The following ACTL8 variants were observed in gnomAD, a reference collection of about 807,000 sequenced individuals.
The protein encoded by ACTL8 is actin-like protein 8.
Under a neutral mutation model 9.3 loss-of-function variants are expected in ACTL8, and 3 were observed. That is an observed-to-expected ratio of 0.32 (90% CI 0.15 to 0.83). The LOEUF (loss-of-function observed/expected upper bound fraction) is 0.83. Among genes scored for constraint, ACTL8 ranks in the 40% least tolerant of loss-of-function variants. ACTL8 has a pLI of 0.57. For synonymous variants in ACTL8, 224 were observed against 205.9 expected (o/e 1.09, Z -0.75); for missense variants, 381 against 492.2 (o/e 0.77, Z 2.14).
chr1:17,810,611 C>T (rs1225186491), intron 1 of ACTL8, among the ~76,000 whole-genome samples: 1 of 152,164 alleles, frequency 6.6e-6, no homozygotes, highest in Non-Finnish European at 1.5e-5. Flanking sequence ...CATGTAACCA[C>T]TCTGGCAATC....
chr1:17,777,681 C>T (rs1157424900), intron 1 of ACTL8, among the ~76,000 whole-genome samples: 1 of 152,174 alleles, frequency 6.6e-6, no homozygotes, highest in East Asian at 1.9e-4. Context: ...GGTATGTGTG[C>T]TAGAAAGTGC....
intron 1 of ACTL8, among the ~76,000 whole-genome samples, chr1:17,783,512 C>T (rs560191258): frequency 6.6e-6 from 1 of 152,284 alleles, no homozygotes; most frequent in South Asian, 2.1e-4. Context: ...ACATTGATTA[C>T]TTAATACTTG....
chr1:17,778,685 C>T (rs2066133015), intron 1 of ACTL8, among the ~76,000 whole-genome samples: 1 of 152,170 alleles, frequency 6.6e-6, no homozygotes, highest in African/African-American at 2.4e-5. Context: ...TATCTTTCTT[C>T]TCCGTACAAG....
chr1:17,755,556 G>C (rs201524918), intron 1 of ACTL8, 52 bp downstream of exon 1: 1 of 130,126 alleles, frequency 7.7e-6, no homozygotes, highest in Non-Finnish European at 1.6e-5. Flanking sequence ...GCCCCTGACT[G>C]TTTTTTTTTT....
rs556612540 is a variant in ACTL8 at position 17,797,781 on chromosome 1, C to T, written c.-24-25204C>T. ...GTGGGGAGATGAATCCCCAGCCTTC[C>T]AGGTGGCTGATAATTAAATTGTGGG... On this transcript the variant is annotated intron_variant, in intron 1 of 2. Transcript: ENST00000375406. Among the ~76,000 whole-genome samples the T allele has an allele frequency of 6.6e-5, 10 of 152,274 alleles. No individual in the cohort carries two copies. The South Asian group carries it at 1.5e-3, about 22-fold the overall frequency.
At chr1:17,788,243 G>C (rs533268551) in intron 1 of ACTL8, among the ~76,000 whole-genome samples, 1 of 152,294 alleles carries the variant, frequency 6.6e-6, no homozygotes, top group Admixed American at 6.5e-5. Context: ...TTGTTAGTCA[G>C]TTTAAAAAAA....
intron 1 of ACTL8, among the ~76,000 whole-genome samples, chr1:17,820,055 T>C (rs911021429): frequency 2.0e-5 from 3 of 151,990 alleles, no homozygotes; most frequent in East Asian, 1.9e-4. Flanking sequence ...AAAAATAATA[T>C]AGTTGCGGGA....
At chr1:17,761,074 C>G (rs1227162441) in intron 1 of ACTL8, among the ~76,000 whole-genome samples, 16 of 151,180 alleles carry the variant, frequency 1.1e-4, no homozygotes, top group Non-Finnish European at 2.9e-5. Flanking sequence ...TGCTTCACTG[C>G]AGAGGGAGGA....
chr1:17,813,437 A>G (rs1431569790), intron 1 of ACTL8, among the ~76,000 whole-genome samples: 1 of 152,190 alleles, frequency 6.6e-6, no homozygotes, highest in Non-Finnish European at 1.5e-5. Context: ...TGAATCATAC[A>G]GATTTAAAAT....
intron 1 of ACTL8, among the ~76,000 whole-genome samples, chr1:17,807,915 C>G (rs987062451): frequency 3.3e-5 from 5 of 152,074 alleles, no homozygotes; most frequent in African/African-American, 1.2e-4. Context: ...ATGGGTGCAG[C>G]AAACTACCAT....
intron 1 of ACTL8, among the ~76,000 whole-genome samples, chr1:17,801,404 G>A (rs1240947352): frequency 2.0e-5 from 3 of 152,142 alleles, no homozygotes; most frequent in South Asian, 2.1e-4. Flanking sequence ...AGAAATATAC[G>A]TTGATAAAGA....
chr1:17,812,793 A>G (rs2066402108), intron 1 of ACTL8, among the ~76,000 whole-genome samples: 1 of 151,958 alleles, frequency 6.6e-6, no homozygotes, highest in African/African-American at 2.4e-5. Context: ...ACACCTGGCC[A>G]TCTCTCTATT....
At chr1:17,790,700 A>T (rs2066232685) in intron 1 of ACTL8, among the ~76,000 whole-genome samples, 2 of 152,062 alleles carry the variant, frequency 1.3e-5, no homozygotes, top group Non-Finnish European at 1.5e-5. Flanking sequence ...CTCACCAGGG[A>T]CCCACCCCCT....
In ACTL8 at chr1:17,805,377, C is replaced by CTTTTTTTT. The variant is rs56870755; in HGVS notation, c.-24-17589_-24-17582dup. Among the ~76,000 whole-genome samples, 87 of 100,180 alleles carry CTTTTTTTT rather than the reference C, an allele frequency of 8.7e-4. 1 individual carries two copies. Among genetic ancestry groups the CTTTTTTTT allele is most frequent in the African/African-American group, 1.2e-3 (26 of 22,368 alleles). 65.7% of individuals were successfully genotyped at this position (100,180 alleles called of 152,430 possible). Reference sequence around the variant, plus strand: ...ATAGATATATTTTCTTTTTCTTTTTCTTTTTTTTTTTTTTTTTTTTTTTTT... The same window carrying CTTTTTTTT: ...ATAGATATATTTTCTTTTTCTTTTTCTTTTTTTTTTTTTTTTTTTTTTTTTTTTTTTTT... On this transcript the variant is annotated intron_variant, in intron 1 of 2. Coordinates refer to ENST00000375406, the MANE Select transcript of ACTL8 (RefSeq NM_030812.3).
chr1:17,803,431 A>G (rs2066337702), intron 1 of ACTL8, among the ~76,000 whole-genome samples: 2 of 152,182 alleles, frequency 1.3e-5, no homozygotes, highest in East Asian at 1.9e-4. Context: ...CCTGGGTTCA[A>G]GTGATTCTCC....
intron 1 of ACTL8, among the ~76,000 whole-genome samples, chr1:17,771,023 T>G (rs1334162775): frequency 6.6e-6 from 1 of 152,138 alleles, no homozygotes; most frequent in Non-Finnish European, 1.5e-5. Context: ...TACCGCCTCA[T>G]AGGTTATCGT....
chr1:17,819,393 A>C (rs904733366), intron 1 of ACTL8, among the ~76,000 whole-genome samples: 1 of 152,182 alleles, frequency 6.6e-6, no homozygotes, highest in African/African-American at 2.4e-5. Context: ...CCCCAGGTCT[A>C]TGTCAGAGCC....
At chr1:17,795,318 G>C (rs573860465) in intron 1 of ACTL8, among the ~76,000 whole-genome samples, 1 of 152,184 alleles carries the variant, frequency 6.6e-6, no homozygotes, top group Non-Finnish European at 1.5e-5. Flanking sequence ...TTTCAGGACC[G>C]GCCTAGCTTC....
intron 1 of ACTL8, among the ~76,000 whole-genome samples, chr1:17,801,880 C>G (rs2066325139): frequency 6.6e-6 from 1 of 152,164 alleles, no homozygotes; most frequent in Non-Finnish European, 1.5e-5. Flanking sequence ...TAGTTACCAG[C>G]ATAAATCATT....
Sources: gnomAD v4.1 joint callset for allele counts (sites outside exome capture counted in the v4.1 genomes callset) on GRCh38, gnomAD v4.1.1 for gene constraint, MANE v1.5 for transcripts, NCBI Gene and HGNC (gene_info 2026-07-23, HGNC 2026-07-21) for gene names.